Variants in MLKL observed in about 807,000 individuals in gnomAD.
MLKL encodes mixed lineage kinase domain like pseudokinase.
A neutral mutation model predicts 56.5 loss-of-function variants in MLKL; 55 were observed. The observed-to-expected ratio is 0.97, with a 90% confidence interval of 0.78 to 1.22. MLKL has a LOEUF of 1.22. Among genes scored for constraint, MLKL ranks in the 50% most tolerant of loss-of-function variants. MLKL has a pLI of 0.00. For synonymous variants in MLKL, 251 were observed against 208.3 expected, an observed-to-expected ratio of 1.20 and a Z score of -1.76; for missense variants, 694 against 573.9, an observed-to-expected ratio of 1.21 and a Z score of -2.14.
rs1179796381 is a variant in MLKL at position 74,691,189 on chromosome 16, C to T, written c.722+88G>A. ...TAACCCTTTAGGGCCCAGGCTTCCT[C>T]ATCTAAAAATGGAGACGATATCCCT... is the stretch of plus-strand genomic sequence containing the variant. On this transcript the variant is annotated intron_variant, in intron 4 of 10. Transcript: ENST00000308807. 5.4e-6 allele frequency: 7 copies of T among 1,288,694 alleles called. No homozygotes were observed. The South Asian group carries it at 5.9e-5, about 11-fold the overall frequency. 79.8% of individuals were successfully genotyped at this position (1,288,694 alleles called of 1,614,324 possible). A position where few individuals can be genotyped will look rare whatever the true frequency, so the allele number is the denominator to read the frequency against.
chr16:74,688,599 A>C (rs1465590052), intron 4 of MLKL, among the ~76,000 whole-genome samples: 1 of 152,076 alleles, frequency 6.6e-6, no homozygotes, highest in African/African-American at 2.4e-5. Context: ...CTGTAGTTCC[A>C]GCTACTCGGG....
intron 10 of MLKL, 142 bp downstream of exon 10, chr16:74,674,818 A>G (rs994646591): frequency 1.4e-5 from 14 of 1,026,366 alleles, no homozygotes; most frequent in African/African-American, 3.2e-5. Flanking sequence ...ACAAACAACA[A>G]TGTTTCAGAC....
chr16:74,698,681 TC>T (rs2144575823), intron 1 of MLKL, among the ~76,000 whole-genome samples: 1 of 152,278 alleles, frequency 6.6e-6, no homozygotes, highest in African/African-American at 2.4e-5. Flanking sequence ...AGCTCTAAGC[TC>T]CAGTTATCTT....
chr16:74,672,589 A>G (rs763319534), intron 10 of MLKL, 51 bp from the exon 11 acceptor site: 3 of 1,528,680 alleles, frequency 2.0e-6, no homozygotes, highest in Non-Finnish European at 2.7e-6. Context: ...CTGAGAGCCA[A>G]GTTAGAAACA....
rs1960958438 is a variant in MLKL, at chr16:74,695,303, C to G, written c.455G>C (p.Arg152Thr). 1 of 1,613,184 alleles carries G rather than the reference C, an allele frequency of 6.2e-7. No homozygotes were observed. The highest frequency in any genetic ancestry group is 1.3e-5 in the African/African-American group (1 of 75,056). The change falls in exon 2 of 11, where the codon AGA (arginine) becomes ACA (threonine). Residue 152 changes from arginine (R) to threonine (T), a missense_variant. Physicochemically the swap from Arg to Thr is moderately conservative, Grantham distance 71. Coordinates refer to ENST00000308807, the MANE Select transcript of MLKL (RefSeq NM_152649.4). ...DEDRRAFQML[R>T]RDNEKIEASL... The stretch of plus-strand genomic sequence containing the variant: ...CCACCAAAGACCCAGCTTGCCTCTT[C>G]TTAGCATCTGGAAAGCTCGCCTGTC...
chr16:74,674,156 C>CT (rs11408099), intron 10 of MLKL, among the ~76,000 whole-genome samples: 69,307 of 138,372 alleles, frequency 0.5, 17,484 homozygotes, highest in East Asian at 0.74. Flanking sequence ...GAATAGCATT[C>CT]TTTTTTTTTT....
In MLKL at chr16:74,675,765, C is replaced by A. The variant is rs753222560; in HGVS notation, c.1039-1G>T. The A allele has an allele frequency of 6.2e-7, 1 of 1,613,570 alleles. No individual in the cohort carries two copies. The highest frequency in any genetic ancestry group is 1.1e-5 in the South Asian group (1 of 90,966). ...TTTTCCTCAACTCAAATCCTGCAAG[C>A]TAGATAGAGAGGCAACTTAGAAAGA... On this transcript the variant is annotated splice_acceptor_variant, in intron 7 of 10. Transcript: ENST00000308807. LOFTEE classifies it high-confidence loss of function.
rs1171129018 is a variant in MLKL at position 74,700,764 on chromosome 16, G to A, written c.-314C>T. The A allele has an allele frequency of 1.3e-5, 2 of 152,296 alleles. No individual in the cohort carries two copies. Among genetic ancestry groups the A allele is most frequent in the Non-Finnish European group, 2.9e-5 (2 of 68,094 alleles). 9.4% of individuals were successfully genotyped at this position (152,296 alleles called of 1,614,324 possible). ...ACTTGGATGGCTGTTTCTGTCCAGT[G>A]CCCTCCGGAGGCCACTGCCTCAGGT... On this transcript the variant is annotated 5_prime_UTR_variant, in exon 1 of 11. Transcript: ENST00000308807.
rs771106600 is a variant in MLKL, at chr16:74,675,146, G to A, written c.1241-46C>T. ...GCCTCAAAAAATTGCTCCGCTACTC[G>A]TACATCTCTCTGGATGCTGATGGCT... On this transcript the variant is annotated intron_variant, in intron 9 of 10. Transcript: ENST00000308807. The A allele has an allele frequency of 7.8e-5, 126 of 1,606,906 alleles. 1 individual carries two copies. In the South Asian group the frequency reaches 9.2e-4, roughly 12 times the overall value.
intron 3 of MLKL, among the ~76,000 whole-genome samples, chr16:74,692,071 G>A (rs970148158): frequency 6.6e-6 from 1 of 152,204 alleles, no homozygotes; most frequent in African/African-American, 2.4e-5. Flanking sequence ...TTCAGCAACT[G>A]AACTGAAGCT....
intron 1 of MLKL, among the ~76,000 whole-genome samples, chr16:74,697,198 C>T (rs1449688730): frequency 2.0e-5 from 3 of 151,620 alleles, no homozygotes; most frequent in East Asian, 3.9e-4. Flanking sequence ...CTTCTCTGAA[C>T]ATGAGTGAGG....
chr16:74,695,909 C>A (rs1266651361), intron 1 of MLKL, 150 bp from the exon 2 acceptor site: 4 of 723,730 alleles, frequency 5.5e-6, no homozygotes, highest in African/African-American at 3.6e-5. Flanking sequence ...TTGCTACCCA[C>A]CAAAATCTGT....
At chr16:74,680,405 AG>A (rs1283523354) in intron 6 of MLKL, among the ~76,000 whole-genome samples, 1 of 152,256 alleles carries the variant, frequency 6.6e-6, no homozygotes, top group Non-Finnish European at 1.5e-5. Context: ...GATTATATAA[AG>A]GGAAAATTAC....
chr16:74,682,575 C>G, intron 6 of MLKL, 76 bp downstream of exon 6: 1 of 1,572,740 alleles, frequency 6.4e-7, no homozygotes, highest in Admixed American at 1.8e-5. Context: ...GGCCTGTTCT[C>G]TCACCATCTC....
intron 1 of MLKL, among the ~76,000 whole-genome samples, chr16:74,696,571 G>T (rs1368165789): frequency 6.6e-6 from 1 of 151,788 alleles, no homozygotes; most frequent in Non-Finnish European, 1.5e-5. Context: ...AGGATTGCTT[G>T]AGGCCAGGAG....
intron 10 of MLKL, 56 bp from the exon 11 acceptor site, chr16:74,672,594 G>C: frequency 6.7e-7 from 1 of 1,500,442 alleles, no homozygotes; most frequent in Non-Finnish European, 9.3e-7. Context: ...AGCCAAGTTA[G>C]AAACACAAAG....
chr16:74,675,566 C>T, intron 8 of MLKL, 47 bp downstream of exon 8: 1 of 1,592,024 alleles, frequency 6.3e-7, no homozygotes, highest in Non-Finnish European at 8.5e-7. Context: ...TTGGGTTTTC[C>T]TATTATGCAC....
intron 7 of MLKL, chr16:74,675,969 A>C (rs1476983720): frequency 1.7e-6 from 1 of 590,358 alleles, no homozygotes. Context: ...AGAGAAACAC[A>C]AAGAGATTTC....
In MLKL at chr16:74,699,235, A is replaced by C. The variant is rs143602049; in HGVS notation, c.-3+1218T>G. 5.2e-3 allele frequency among the ~76,000 whole-genome samples: 787 copies of C among 152,354 alleles called. 8 individuals carry two copies. Among genetic ancestry groups the C allele is most frequent in the Middle Eastern group, 6.8e-3 (2 of 294 alleles). ...GAAGACTAAAACAGACCAACCCAGC[A>C]ATCCTTCCCAAATTTAAATCCAATT... On this transcript the variant is annotated intron_variant, in intron 1 of 10. Transcript: ENST00000308807.
Sources: allele counts gnomAD v4.1 joint callset (sites outside exome capture counted in the v4.1 genomes callset), GRCh38; gene constraint gnomAD v4.1.1; transcripts MANE v1.5; gene names NCBI Gene and HGNC (gene_info 2026-07-23, HGNC 2026-07-21).